Variants in CHODL observed in about 807,000 individuals in gnomAD.
CHODL encodes the protein chondrolectin.
In CHODL, 29 loss-of-function variants were observed where a neutral mutation model predicts 34.5. The ratio of observed to expected loss-of-function variants is 0.84; its 90% CI spans 0.63 to 1.15. The LOEUF is 1.15. CHODL is among the 50% of genes most tolerant of loss of function. CHODL has a pLI of 0.00. For synonymous variants in CHODL, 125 were observed against 116.1 expected (o/e 1.08, Z -0.49); for missense variants, 332 against 332.5 (o/e 1.00, Z 0.01).
At chr21:18,264,063 G>C (rs2074416474) in intron 5 of CHODL, among the ~76,000 whole-genome samples, 1 of 152,066 alleles carries the variant, frequency 6.6e-6, no homozygotes, top group Non-Finnish European at 1.5e-5. Flanking sequence ...TATTTTATTA[G>C]TAACCAAAAC....
At chr21:18,018,773 A>G (rs1432756957) in intron 1 of CHODL, among the ~76,000 whole-genome samples, 1 of 152,204 alleles carries the variant, frequency 6.6e-6, no homozygotes, top group Non-Finnish European at 1.5e-5. Flanking sequence ...GAAAAGCCCC[A>G]ATTATTTTTG....
intron 2 of CHODL, among the ~76,000 whole-genome samples, chr21:18,061,930 T>C (rs2064671817): frequency 6.6e-6 from 1 of 152,150 alleles, no homozygotes; most frequent in Non-Finnish European, 1.5e-5. Context: ...TTGCAGAAAA[T>C]AGTCATCAAA....
chr21:18,245,270 G>T lies in CHODL; in HGVS notation c.47G>T (p.Gly16Val), dbSNP rs1204386754. The change falls in exon 1 of 6, where the codon GGC becomes GTC. Residue 16 changes from glycine to valine, a missense_variant. By Grantham distance (109) the Gly-to-Val change is moderately radical (BLOSUM62 -3). Coordinates refer to ENST00000299295, the MANE Select transcript of CHODL (RefSeq NM_024944.3). ...CTGCTGGGCGCCGCGCTGCTCTGCGGCCACGGAGCCTTCTGCCGCCGCGTG... is the reference window on the plus strand; with the variant it reads ...CTGCTGGGCGCCGCGCTGCTCTGCGTCCACGGAGCCTTCTGCCGCCGCGTG... Reference protein sequence around the residue: ...SLLLGAALLCGHGAFCRRVVS... With the variant: ...SLLLGAALLCVHGAFCRRVVS... 2.6e-6 allele frequency: 4 copies of T among 1,524,902 alleles called. No homozygotes were observed. The Admixed American group carries it at 7.9e-5, about 30-fold the overall frequency. The allele number at this position is 1,524,902 out of a possible 1,614,324, so 94.5% of individuals were successfully genotyped here. A position where few individuals can be genotyped will look rare whatever the true frequency, so the allele number is the denominator to read the frequency against.
At chr21:18,004,151 G>T (rs548297452) in intron 1 of CHODL, among the ~76,000 whole-genome samples, 23 of 152,214 alleles carry the variant, frequency 1.5e-4, no homozygotes, top group Non-Finnish European at 1.9e-4. Flanking sequence ...AACATTACTG[G>T]CCTTAAAAGA....
At chr21:18,101,638 A>G (rs1601004854) in intron 2 of CHODL, among the ~76,000 whole-genome samples, 6 of 152,174 alleles carry the variant, frequency 3.9e-5, no homozygotes, top group Admixed American at 3.3e-4. Context: ...AAATATGACA[A>G]TACTAGAAAA....
At chr21:17,922,669 G>C (rs1183261893) in intron 1 of CHODL, among the ~76,000 whole-genome samples, 1 of 152,192 alleles carries the variant, frequency 6.6e-6, no homozygotes, top group Non-Finnish European at 1.5e-5. Context: ...TTTTACATTA[G>C]ATTTCAGGAA....
At chr21:17,920,735 G>A (rs2063177213) in intron 1 of CHODL, among the ~76,000 whole-genome samples, 1 of 152,228 alleles carries the variant, frequency 6.6e-6, no homozygotes, top group Admixed American at 6.5e-5. Flanking sequence ...GCAGTCAGTA[G>A]AGAGTGAGAT....
At chr21:18,265,306 C>T (rs1397930403) in intron 5 of CHODL, among the ~76,000 whole-genome samples, 1 of 142,470 alleles carries the variant, frequency 7.0e-6, no homozygotes, top group Admixed American at 6.9e-5. Context: ...CACACACACA[C>T]ACACATATAT....
intron 2 of CHODL, among the ~76,000 whole-genome samples, chr21:18,170,032 T>G (rs1221747791): frequency 6.6e-6 from 1 of 152,112 alleles, no homozygotes. Flanking sequence ...AAATGAGGCA[T>G]TGGATTTTGC....
At chr21:18,183,765 T>C (rs963286549) in intron 2 of CHODL, among the ~76,000 whole-genome samples, 1 of 151,738 alleles carries the variant, frequency 6.6e-6, no homozygotes, top group Non-Finnish European at 1.5e-5. Context: ...CTTAAGTAAC[T>C]GGGGGAAGAG....
chr21:18,137,028 C>G (rs1438096013), intron 2 of CHODL, among the ~76,000 whole-genome samples: 1 of 152,064 alleles, frequency 6.6e-6, no homozygotes, highest in Non-Finnish European at 1.5e-5. Context: ...CCATCCCTAA[C>G]TATTACTAAA....
chr21:18,169,739 T>A (rs187586838), intron 2 of CHODL, among the ~76,000 whole-genome samples: 2 of 152,182 alleles, frequency 1.3e-5, no homozygotes, highest in East Asian at 3.9e-4. Flanking sequence ...AATATGATCA[T>A]TTTTTAGATA....
intron 2 of CHODL, among the ~76,000 whole-genome samples, chr21:18,115,275 G>C (rs2065398618): frequency 6.6e-6 from 1 of 152,142 alleles, no homozygotes; most frequent in Non-Finnish European, 1.5e-5. Flanking sequence ...AAATAATCAG[G>C]ATCCTGTCTG....
Position 18,245,165 on chromosome 21 carries a change from C to G in CHODL, c.-59C>G. 4.7e-6 allele frequency: 6 copies of G among 1,283,764 alleles called. No homozygotes were observed. Among genetic ancestry groups the G allele is most frequent in the South Asian group, 2.8e-5 (2 of 72,394 alleles). The allele number at this position is 1,283,764 out of a possible 1,614,324, so 79.5% of individuals were successfully genotyped here. Reference sequence around the variant, plus strand: ...GCTGCAGAGTCAGAGTCGCGGGCTGCGCCCTGGGCAGAGGCCGCCCTCGCT... The same window carrying G: ...GCTGCAGAGTCAGAGTCGCGGGCTGGGCCCTGGGCAGAGGCCGCCCTCGCT... On this transcript the variant is annotated 5_prime_UTR_variant, in exon 1 of 6. Transcript: ENST00000299295.
chr21:18,158,970 T>C (rs2073065700), intron 2 of CHODL, among the ~76,000 whole-genome samples: 1 of 152,274 alleles, frequency 6.6e-6, no homozygotes, highest in Non-Finnish European at 1.5e-5. Flanking sequence ...ATTCGGTTTT[T>C]ACCAACATTT....
At chr21:18,239,974 T>C (rs1274949699), upstream of CHODL, among the ~76,000 whole-genome samples, 2 of 151,928 alleles carry the variant, frequency 1.3e-5, no homozygotes, top group East Asian at 1.9e-4. Context: ...TAAAAAGAGA[T>C]GGAAGATGTT....
intron 2 of CHODL, among the ~76,000 whole-genome samples, chr21:18,096,833 C>T (rs934650109): frequency 1.3e-5 from 2 of 152,090 alleles, no homozygotes; most frequent in African/African-American, 4.8e-5. Context: ...TCACTCCCTC[C>T]CCTTCTAAAA....
chr21:18,128,901 A>T (rs1337821374), intron 2 of CHODL, among the ~76,000 whole-genome samples: 1 of 152,162 alleles, frequency 6.6e-6, no homozygotes, highest in African/African-American at 2.4e-5. Flanking sequence ...ATGAAACTGT[A>T]TATAGTTCTT....
intron 2 of CHODL, among the ~76,000 whole-genome samples, chr21:18,083,193 G>T (rs1212894959): frequency 6.6e-6 from 1 of 152,216 alleles, no homozygotes; most frequent in Non-Finnish European, 1.5e-5. Flanking sequence ...CATGGCTGTT[G>T]CTTCAGAGGG....
Sources: allele counts gnomAD v4.1 joint callset (sites outside exome capture counted in the v4.1 genomes callset), GRCh38; gene constraint gnomAD v4.1.1; transcripts MANE v1.5; gene names NCBI Gene and HGNC (gene_info 2026-07-23, HGNC 2026-07-21).